Variants in FKBP5 observed in about 807,000 individuals in gnomAD.
The protein encoded by FKBP5 is FKBP prolyl isomerase 5, also known as peptidyl-prolyl cis-trans isomerase FKBP5.
Under a neutral mutation model 50.5 loss-of-function variants are expected in FKBP5, and 23 were observed. The ratio of observed to expected loss-of-function variants is 0.46; its 90% CI spans 0.33 to 0.65. The LOEUF (loss-of-function observed/expected upper bound fraction) is 0.65, where lower values mean the gene tolerates loss of function less well. FKBP5 is among the 30% of genes least tolerant of loss of function. The probability of loss-of-function intolerance (pLI) is 0.02; values close to 1 mark genes in which losing one functional copy is unlikely to be tolerated. For synonymous variants in FKBP5, 176 were observed against 190.6 expected (o/e 0.92, Z 0.63); for missense variants, 411 against 553.1 (o/e 0.74, Z 2.58).
rs370376940 is a variant in FKBP5 at position 35,718,619 on chromosome 6, A to G, written c.-20+1709T>C. On this transcript the variant is annotated intron_variant, in intron 2 of 11. Transcript: ENST00000536438. ...GGCCCGGCCTCACCTGGGAATCCCA[A>G]TTCGGACTCCATAGCAAGCTAAAAT... Among the ~76,000 whole-genome samples the G allele has an allele frequency of 3.9e-5, 6 of 152,280 alleles. No individual in the cohort carries two copies. The South Asian group carries it at 8.3e-4, about 21-fold the overall frequency.
rs912208486 is a variant in FKBP5 at position 35,721,907 on chromosome 6, C to A, written c.-240-1359G>T. Among the ~76,000 whole-genome samples, 8 of 152,204 alleles carry A rather than the reference C, an allele frequency of 5.3e-5. No individual in the cohort carries two copies. The East Asian group carries it at 1.5e-3, about 29-fold the overall frequency. On this transcript the variant is annotated intron_variant, in intron 1 of 11. Coordinates refer to the FKBP5 transcript ENST00000536438. ...TGGAGAGTAGTGGATTTGAACTCAG[C>A]CTTTTTTCTAAACCTGGAAAACACA...
At chr6:35,671,797 T>C (rs1167559425) in intron 1 of FKBP5, among the ~76,000 whole-genome samples, 7 of 151,798 alleles carry the variant, frequency 4.6e-5, no homozygotes, top group Middle Eastern at 3.4e-3. Context: ...TCCAACACAA[T>C]ATATGAAGGG....
At chr6:35,701,240 G>GT (rs1561901928) in intron 2 of FKBP5, among the ~76,000 whole-genome samples, 1 of 147,028 alleles carries the variant, frequency 6.8e-6, no homozygotes, top group South Asian at 2.1e-4. Flanking sequence ...TTTGTTTTTT[G>GT]TTTTTTTGTT....
intron 3 of FKBP5, among the ~76,000 whole-genome samples, chr6:35,625,717 C>T (rs1418231080): frequency 6.8e-6 from 1 of 147,596 alleles, no homozygotes; most frequent in Non-Finnish European, 1.5e-5. Context: ...GCCTGGGCGA[C>T]AGAGCAAGAC....
At position 35,619,965 on chromosome 6, in the gene FKBP5, G is replaced by A. The variant is rs547822568; in HGVS notation, c.393+167C>T. Among the ~76,000 whole-genome samples the A allele has an allele frequency of 5.9e-5, 9 of 152,212 alleles. No individual in the cohort carries two copies. The South Asian group carries it at 8.3e-4, about 14-fold the overall frequency. On this transcript the variant is annotated intron_variant, in intron 4 of 10. Transcript: ENST00000357266. ...CGTTTCTAAGAAAGCACTGGCACGC[G>A]CACCCTTGGGTTTGTGGGAAACAAT...
intron 6 of FKBP5, among the ~76,000 whole-genome samples, chr6:35,592,566 A>G (rs1010470162): frequency 4.6e-5 from 7 of 152,214 alleles, no homozygotes; most frequent in African/African-American, 1.7e-4. Context: ...CATCTAATAA[A>G]TTTTAAAAAA....
At chr6:35,650,623 G>A (rs576905825) in intron 1 of FKBP5, among the ~76,000 whole-genome samples, 9 of 152,000 alleles carry the variant, frequency 5.9e-5, no homozygotes, top group African/African-American at 1.2e-4. Flanking sequence ...ACAGGTGTGC[G>A]CCACCAATGC....
chr6:35,626,678 G>A (rs1764007690), intron 3 of FKBP5, among the ~76,000 whole-genome samples: 1 of 151,984 alleles, frequency 6.6e-6, no homozygotes, highest in Admixed American at 6.6e-5. Context: ...ATTCTACTTT[G>A]TTTTTATGAA....
rs568418527 is a variant in FKBP5, at chr6:35,580,501, T to C, written c.841-280A>G. 1.6e-5 allele frequency: 5 copies of C among 310,090 alleles called. No individual in the cohort carries two copies. The South Asian group carries it at 7.4e-4, about 46-fold the overall frequency. 19.2% of individuals were successfully genotyped at this position (310,090 alleles called of 1,614,324 possible). On this transcript the variant is annotated intron_variant, in intron 8 of 10. Transcript: ENST00000357266. ...AGTACAGCAAGGCTTCTGGGCTATG[T>C]TCTTTGGTGCTAATATTCTTTAGTC...
At chr6:35,623,989 T>C (rs1445619091) in intron 3 of FKBP5, among the ~76,000 whole-genome samples, 1 of 151,752 alleles carries the variant, frequency 6.6e-6, no homozygotes, top group Non-Finnish European at 1.5e-5. Context: ...GTGTGAGCCA[T>C]TGCATCAGCC....
intron 2 of FKBP5, among the ~76,000 whole-genome samples, chr6:35,699,293 A>G (rs1233378196): frequency 6.6e-6 from 1 of 152,182 alleles, no homozygotes; most frequent in African/African-American, 2.4e-5. Flanking sequence ...CCACAGGGCA[A>G]ATATGGAAAT....
chr6:35,719,849 C>T (rs764192684), intron 2 of FKBP5, among the ~76,000 whole-genome samples: 1 of 152,220 alleles, frequency 6.6e-6, no homozygotes, highest in Non-Finnish European at 1.5e-5. Flanking sequence ...CACACCATTT[C>T]CCCTTTCTGG....
chr6:35,665,386 C>G (rs542357949), intron 1 of FKBP5, among the ~76,000 whole-genome samples: 1 of 151,858 alleles, frequency 6.6e-6, no homozygotes, highest in East Asian at 1.9e-4. Context: ...CTCCCAGGTT[C>G]AAGCAATTCT....
intron 8 of FKBP5, chr6:35,584,329 T>C (rs1490409406): frequency 2.0e-6 from 2 of 985,348 alleles, no homozygotes; most frequent in Non-Finnish European, 2.4e-6. Context: ...AATTCAATCC[T>C]ACTCAGGAGA....
In FKBP5 at chr6:35,600,855, C is replaced by T. The variant is rs182907256; in HGVS notation, c.509-3451G>A. On this transcript the variant is annotated intron_variant, in intron 5 of 10. Transcript: ENST00000357266. ...GCTGTTTTTCAGCTTGATGTATGTA[C>T]TTGATATTAAAATTAAATGAGTAAT... Among the ~76,000 whole-genome samples the T allele has an allele frequency of 7.5e-4, 114 of 152,168 alleles. 1 individual carries two copies. The highest frequency in any genetic ancestry group is 5.8e-4 in the East Asian group (3 of 5,182).
At chr6:35,634,203 G>A (rs1764243853) in intron 3 of FKBP5, among the ~76,000 whole-genome samples, 2 of 152,076 alleles carry the variant, frequency 1.3e-5, no homozygotes, top group African/African-American at 4.8e-5. Flanking sequence ...TAAGGATAGA[G>A]TAAGGATTTA....
At chr6:35,687,202 G>GA (rs1299551613) in intron 1 of FKBP5, among the ~76,000 whole-genome samples, 2 of 152,096 alleles carry the variant, frequency 1.3e-5, no homozygotes, top group African/African-American at 4.8e-5. Context: ...CACATTAGAA[G>GA]AAAAAAACTG....
intron 3 of FKBP5, among the ~76,000 whole-genome samples, chr6:35,629,974 T>C (rs1206715982): frequency 6.6e-6 from 1 of 152,108 alleles, no homozygotes; most frequent in East Asian, 1.9e-4. Context: ...AGTAAACAGA[T>C]ACTAAGAATA....
intron 2 of FKBP5, among the ~76,000 whole-genome samples, chr6:35,640,968 A>C (rs1764468685): frequency 6.6e-6 from 1 of 151,956 alleles, no homozygotes; most frequent in East Asian, 1.9e-4. Flanking sequence ...GGACCTGCCC[A>C]AGGCTGTTTT....
Sources: gnomAD v4.1 joint callset for allele counts (sites outside exome capture counted in the v4.1 genomes callset) on GRCh38, gnomAD v4.1.1 for gene constraint, MANE v1.5 for transcripts, NCBI Gene and HGNC (gene_info 2026-07-23, HGNC 2026-07-21) for gene names.